KCNIP4: variants seen among roughly 807,000 people sequenced by gnomAD.
The protein encoded by KCNIP4 is Kv channel-interacting protein 4.
In KCNIP4, 12 loss-of-function variants were observed where a neutral mutation model predicts 34.0. The ratio of observed to expected loss-of-function variants is 0.35; its 90% CI spans 0.23 to 0.57. The LOEUF (loss-of-function observed/expected upper bound fraction) is 0.57. KCNIP4 is among the 20% of genes least tolerant of loss of function. The pLI is 0.83. For missense variants in KCNIP4, 238 were observed against 311.7 expected (o/e 0.76, Z 1.78); for synonymous variants, 124 against 102.2 (o/e 1.21, Z -1.29).
chr4:20,772,522 T>C (rs1755989303), intron 3 of KCNIP4, among the ~76,000 whole-genome samples: 1 of 152,196 alleles, frequency 6.6e-6, no homozygotes, highest in Admixed American at 6.5e-5. Flanking sequence ...GGTTGGAGGA[T>C]AGGACCTCAA....
At chr4:21,567,787 C>T (rs902759461) in intron 1 of KCNIP4, among the ~76,000 whole-genome samples, 6 of 152,044 alleles carry the variant, frequency 3.9e-5, no homozygotes, top group African/African-American at 7.2e-5. Flanking sequence ...TTTGTAGTCA[C>T]GACAATATTG....
At chr4:21,241,148 A>G (rs1270459953) in intron 1 of KCNIP4, among the ~76,000 whole-genome samples, 1 of 152,164 alleles carries the variant, frequency 6.6e-6, no homozygotes, top group East Asian at 1.9e-4. Flanking sequence ...AAAGACAAAA[A>G]AAAAGGAAAA....
intron 1 of KCNIP4, among the ~76,000 whole-genome samples, chr4:21,446,835 A>G (rs1442523186): frequency 6.6e-6 from 1 of 152,196 alleles, no homozygotes. Context: ...TGAAAGTTAT[A>G]TATGTTATTG....
At position 21,931,236 on chromosome 4, in the gene KCNIP4, C is replaced by CTT. The variant is rs33977693; in HGVS notation, c.61+17333_61+17334dup. ...GGAGCTTTAAATGATTGAAGCTCAG[C>CTT]TTTTTTTTTTTTATGAAAACTATCC... On this transcript the variant is annotated intron_variant, in intron 1 of 8. Coordinates refer to ENST00000382152, the MANE Select transcript of KCNIP4 (RefSeq NM_025221.6). Among the ~76,000 whole-genome samples, 66 of 148,464 alleles carry CTT rather than the reference C, an allele frequency of 4.4e-4. 1 individual carries two copies. The highest frequency in any genetic ancestry group is 8.7e-4 in the South Asian group (4 of 4,618).
At chr4:21,493,472 A>G (rs889231628) in intron 1 of KCNIP4, among the ~76,000 whole-genome samples, 1 of 150,902 alleles carries the variant, frequency 6.6e-6, no homozygotes, top group African/African-American at 2.4e-5. Flanking sequence ...CTAGAAAAAA[A>G]GCATGACCAG....
At chr4:21,120,821 G>A (rs904576380) in intron 1 of KCNIP4, among the ~76,000 whole-genome samples, 9 of 152,036 alleles carry the variant, frequency 5.9e-5, no homozygotes, top group South Asian at 2.1e-4. Context: ...TGAAAACACC[G>A]GTCTTACTAA....
intron 1 of KCNIP4, among the ~76,000 whole-genome samples, chr4:21,007,237 T>A (rs1738650663): frequency 6.6e-6 from 1 of 152,258 alleles, no homozygotes; most frequent in East Asian, 1.9e-4. Flanking sequence ...TCTAGAAGAC[T>A]TGGAAGGGAA....
At chr4:21,305,738 T>C (rs919197572) in intron 1 of KCNIP4, among the ~76,000 whole-genome samples, 2 of 152,232 alleles carry the variant, frequency 1.3e-5, no homozygotes, top group Admixed American at 1.3e-4. Flanking sequence ...AAACTCATTC[T>C]GGGCTTTTCC....
intron 3 of KCNIP4, among the ~76,000 whole-genome samples, chr4:20,826,346 G>T (rs144865054): frequency 1.4e-4 from 21 of 152,246 alleles, no homozygotes; most frequent in African/African-American, 4.8e-4. Flanking sequence ...AGGCAAAGGT[G>T]CAAGGATTGC....
chr4:21,413,216 G>A (rs985193650), intron 1 of KCNIP4, among the ~76,000 whole-genome samples: 12 of 152,112 alleles, frequency 7.9e-5, no homozygotes, highest in South Asian at 2.1e-4. Flanking sequence ...GATGTGAGAC[G>A]TGGTACTGAC....
At chr4:21,199,229 C>T (rs1177740954) in intron 1 of KCNIP4, among the ~76,000 whole-genome samples, 21 of 152,184 alleles carry the variant, frequency 1.4e-4, no homozygotes, top group Non-Finnish European at 4.4e-5. Flanking sequence ...TCCTCTCCAG[C>T]ATCTGTTGTT....
intron 1 of KCNIP4, among the ~76,000 whole-genome samples, chr4:20,999,392 A>G (rs6818228): frequency 0.44 from 64,959 of 146,954 alleles, 15,148 homozygotes; most frequent in African/African-American, 0.56. Context: ...CACCCAAAAA[A>G]GAGGGTTTTT....
At chr4:21,748,797 G>A (rs1312434474) in intron 1 of KCNIP4, among the ~76,000 whole-genome samples, 1 of 151,962 alleles carries the variant, frequency 6.6e-6, no homozygotes. Flanking sequence ...GCTTTTTAGT[G>A]TTTCTGATTG....
chr4:21,916,467 G>C (rs1728637044), intron 1 of KCNIP4, among the ~76,000 whole-genome samples: 1 of 151,820 alleles, frequency 6.6e-6, no homozygotes, highest in Admixed American at 6.6e-5. Context: ...CAAAATTTAG[G>C]GTATGGGATT....
At chr4:21,594,097 A>G (rs1274643288) in intron 1 of KCNIP4, among the ~76,000 whole-genome samples, 1 of 152,056 alleles carries the variant, frequency 6.6e-6, no homozygotes, top group African/African-American at 2.4e-5. Context: ...CTTGAAAGAT[A>G]CAATACCAAA....
At chr4:21,542,125 T>C (rs1324740364) in intron 1 of KCNIP4, among the ~76,000 whole-genome samples, 3 of 152,190 alleles carry the variant, frequency 2.0e-5, no homozygotes, top group Non-Finnish European at 4.4e-5. Context: ...GGTTCATAGC[T>C]TTTTATGTAC....
At chr4:21,289,271 A>T (rs1029714633) in intron 1 of KCNIP4, among the ~76,000 whole-genome samples, 14 of 152,302 alleles carry the variant, frequency 9.2e-5, no homozygotes, top group South Asian at 8.3e-4. Context: ...TACCTCAAGC[A>T]TTTATCATTT....
At chr4:21,817,215 C>T (rs972820245) in intron 1 of KCNIP4, among the ~76,000 whole-genome samples, 2 of 152,066 alleles carry the variant, frequency 1.3e-5, no homozygotes, top group African/African-American at 2.4e-5. Context: ...CATCTGGAGC[C>T]GTGGCAGAGG....
At chr4:21,590,256 G>A (rs1742089328) in intron 1 of KCNIP4, among the ~76,000 whole-genome samples, 1 of 152,026 alleles carries the variant, frequency 6.6e-6, no homozygotes, top group African/African-American at 2.4e-5. Flanking sequence ...TTTTCAGTAG[G>A]TGTGGGAAGG....
Sources: allele counts gnomAD v4.1 joint callset (sites outside exome capture counted in the v4.1 genomes callset), GRCh38; gene constraint gnomAD v4.1.1; transcripts MANE v1.5; gene names NCBI Gene and HGNC (gene_info 2026-07-23, HGNC 2026-07-21).